Variants in KCNT1 observed in about 807,000 individuals in gnomAD.
The protein encoded by KCNT1 is potassium sodium-activated channel subfamily T member 1.
A neutral mutation model predicts 147.8 loss-of-function variants in KCNT1; 78 were observed. The observed-to-expected ratio is 0.53, with a 90% confidence interval of 0.44 to 0.64. KCNT1 has a LOEUF of 0.64. KCNT1 is among the 30% of genes least tolerant of loss of function. The pLI is 0.00. For synonymous variants in KCNT1, 867 were observed against 748.8 expected (o/e 1.16, Z -2.58); for missense variants, 1,419 against 1,750.3 (o/e 0.81, Z 3.38).
Position 135,792,504 on chromosome 9 carries a change from AGGGTGGGGCTGGG to A in KCNT1, c.*345_*357del. The stretch of plus-strand genomic sequence containing the variant: ...CAGGGCCGAGCCCAGGCTGTGCTGG[AGGGTGGGGCTGGG>A]GTGCATGGGGAGGGGAGCAGAACCC... On this transcript the variant is annotated 3_prime_UTR_variant, in exon 31 of 31. Transcript: ENST00000371757. The A allele has an allele frequency of 4.7e-6, 1 of 214,174 alleles. No individual in the cohort carries two copies. The allele number at this position is 214,174 out of a possible 1,614,324, so 13.3% of individuals were successfully genotyped here. A position where few individuals can be genotyped will look rare whatever the true frequency, so the allele number is the denominator to read the frequency against.
rs1835860794 is a variant in KCNT1 at position 135,719,955 on chromosome 9, G to A, written c.254+5235G>A. ...AGAACGGAACTTGACTTGGTTCTCT[G>A]GAGTTGAGCAACACCAAATATTTTT... is the stretch of plus-strand genomic sequence containing the variant. On this transcript the variant is annotated intron_variant, in intron 2 of 30. Transcript: ENST00000371757. Among the ~76,000 whole-genome samples the A allele has an allele frequency of 3.3e-5, 5 of 152,178 alleles. 1 individual carries two copies. The South Asian group carries it at 1.0e-3, about 32-fold the overall frequency.
chr9:135,775,436 G>A (rs1011603454), intron 20 of KCNT1, 21 bp downstream of exon 20: 26 of 1,582,872 alleles, frequency 1.6e-5, no homozygotes, highest in African/African-American at 4.0e-5. Context: ...CGGCTCTGCC[G>A]CGCTCTGCAC....
chr9:135,756,636 G>T (rs1831499382), intron 6 of KCNT1, among the ~76,000 whole-genome samples: 1 of 152,110 alleles, frequency 6.6e-6, no homozygotes, highest in Admixed American at 6.5e-5. Context: ...CCCACCCTGG[G>T]CCTAGAGTGG....
intron 21 of KCNT1, among the ~76,000 whole-genome samples, chr9:135,778,103 C>G (rs1564381475): frequency 1.3e-5 from 2 of 152,158 alleles, no homozygotes; most frequent in Non-Finnish European, 2.9e-5. Context: ...ACTCTGAGCC[C>G]CAGGATTGGG....
chr9:135,766,406 AGGTGGACCATCTAG>A lies in KCNT1; in HGVS notation c.1337+659_1337+672del, dbSNP rs1169893645. 3.5e-5 allele frequency among the ~76,000 whole-genome samples: 5 copies of A among 142,772 alleles called. No individual in the cohort carries two copies. In the East Asian group the frequency reaches 1.1e-3, roughly 31 times the overall value. The allele number at this position is 142,772 out of a possible 152,430, so 93.7% of individuals were successfully genotyped here. A position where few individuals can be genotyped will look rare whatever the true frequency, so the allele number is the denominator to read the frequency against. On this transcript the variant is annotated intron_variant, in intron 13 of 30. Transcript: ENST00000371757. The stretch of plus-strand genomic sequence containing the variant: ...TGGATCATCTGGGGTGGACCATTCA[AGGTGGACCATCTAG>A]GGTGGACCATCTGGGGTTGGTCCTC...
chr9:135,766,886 C>T (rs986296152), intron 13 of KCNT1: 1 of 152,118 alleles, frequency 6.6e-6, no homozygotes, highest in African/African-American at 2.4e-5. Context: ...TCTAGGGAGG[C>T]TCAAAATAGA....
chr9:135,727,226 T>C, intron 2 of KCNT1, among the ~76,000 whole-genome samples: 1 of 61,846 alleles, frequency 1.6e-5, no homozygotes, highest in Non-Finnish European at 3.1e-5. Flanking sequence ...TCTCTCTCTC[T>C]TTCCCATTCT....
At chr9:135,710,099 A>G (rs1835427564) in intron 1 of KCNT1, among the ~76,000 whole-genome samples, 2 of 152,276 alleles carry the variant, frequency 1.3e-5, no homozygotes, top group South Asian at 2.1e-4. Flanking sequence ...TCCTTTTGCC[A>G]GTGATGTCTT....
At chr9:135,773,101 T>C in intron 19 of KCNT1, 152 bp downstream of exon 19, 1 of 551,876 alleles carries the variant, frequency 1.8e-6, no homozygotes, top group Non-Finnish European at 3.0e-6. Flanking sequence ...AAATGAAATC[T>C]TCAGGGGGCC....
At chr9:135,751,439 G>A (rs1487224091) in intron 4 of KCNT1, among the ~76,000 whole-genome samples, 3 of 152,058 alleles carry the variant, frequency 2.0e-5, no homozygotes, top group Non-Finnish European at 2.9e-5. Flanking sequence ...TTCTGGGGGT[G>A]TCTTCTACCC....
intron 2 of KCNT1, among the ~76,000 whole-genome samples, chr9:135,729,527 C>G (rs1009055357): frequency 6.6e-6 from 1 of 152,208 alleles, no homozygotes; most frequent in Non-Finnish European, 1.5e-5. Context: ...CTCAGCTGTG[C>G]GCAGACTTCT....
chr9:135,758,125 A>G (rs13292859), intron 9 of KCNT1, among the ~76,000 whole-genome samples: 16 of 141,166 alleles, frequency 1.1e-4, no homozygotes, highest in African/African-American at 4.3e-4. Flanking sequence ...CAGCCGAGAC[A>G]CAGGTGTGGC....
At chr9:135,769,429 A>AG (rs1276579444) in intron 15 of KCNT1, among the ~76,000 whole-genome samples, 1 of 152,122 alleles carries the variant, frequency 6.6e-6, no homozygotes, top group Non-Finnish European at 1.5e-5. Flanking sequence ...GAGGTGCTGG[A>AG]GGGGACGGCA....
Position 135,772,818 on chromosome 9 carries a change from C to A in KCNT1, c.2112C>A (p.Gly704=). ...CACTGCCCACGGAGAACGGCTCGGG[C>A]AGCCGGCGGCCCAGCATCGCGCCCG... ...KLALPTENGS[G]SRRPSIAPVL... The change falls in exon 19 of 31, where the codon GGC becomes GGA. Residue 704 remains glycine (G), a synonymous_variant. Coordinates refer to ENST00000371757, the MANE Select transcript of KCNT1 (RefSeq NM_020822.3). 6.6e-7 allele frequency: 1 copy of A among 1,517,052 alleles called. No homozygotes were observed. Among genetic ancestry groups the A allele is most frequent in the Non-Finnish European group, 8.8e-7 (1 of 1,130,650 alleles). 94.0% of individuals were successfully genotyped at this position (1,517,052 alleles called of 1,614,324 possible). A position where few individuals can be genotyped will look rare whatever the true frequency, so the allele number is the denominator to read the frequency against.
chr9:135,728,799 G>A (rs1356795277), intron 2 of KCNT1, among the ~76,000 whole-genome samples: 2 of 152,202 alleles, frequency 1.3e-5, no homozygotes, highest in African/African-American at 4.8e-5. Context: ...TCTGGTTATG[G>A]TGATTCACAA....
chr9:135,756,919 A>G lies in KCNT1; in HGVS notation c.587A>G (p.Tyr196Cys), dbSNP rs1376281716. 1.2e-6 allele frequency: 2 copies of G among 1,612,192 alleles called. No homozygotes were observed. The highest frequency in any genetic ancestry group is 1.7e-5 in the Admixed American group (1 of 59,944). ...ISFLETMLLI[Y>C]LSYKGNIWEQ... ...TTCCTGGAGACGATGCTTCTCATCT[A>G]CCTCAGCTACAAAGTGAGTGCCTGC... is the stretch of plus-strand genomic sequence containing the variant. Residue 196 changes from tyrosine (Y) to cysteine (C), a missense_variant, in exon 7 of 31, where the codon TAC (tyrosine) becomes TGC (cysteine). By Grantham distance (194) the Tyr-to-Cys change is radical. This residue lies in a region of KCNT1 where 401 missense variants were observed against 610.6 expected (regional missense o/e 0.66). Transcript: ENST00000371757.
chr9:135,731,051 C>T (rs897167809), intron 2 of KCNT1, among the ~76,000 whole-genome samples: 14 of 149,280 alleles, frequency 9.4e-5, no homozygotes, highest in Non-Finnish European at 1.5e-4. Flanking sequence ...CATTTGTAAC[C>T]ACAGCAGCAG....
chr9:135,786,168 C>T, intron 28 of KCNT1, 29 bp from the exon 29 acceptor site: 1 of 1,554,244 alleles, frequency 6.4e-7, no homozygotes, highest in South Asian at 1.2e-5. Context: ...CTCACCCCTC[C>T]CCGCCCTGCC....
Position 135,759,547 on chromosome 9 carries a change from G to A in KCNT1, c.855-132G>A. On this transcript the variant is annotated intron_variant, in intron 10 of 30. Coordinates refer to ENST00000371757, the MANE Select transcript of KCNT1 (RefSeq NM_020822.3). ...CTGATGCCACCCAGCTGTCAGGAGG[G>A]CGGGGCTCGCCTGGTGATGCACAGC... The A allele has an allele frequency of 5.3e-6, 5 of 934,596 alleles. No individual in the cohort carries two copies. In the South Asian group the frequency reaches 1.1e-4, roughly 21 times the overall value. The allele number at this position is 934,596 out of a possible 1,614,324, so 57.9% of individuals were successfully genotyped here.
Sources: gnomAD v4.1 joint callset for allele counts (sites outside exome capture counted in the v4.1 genomes callset) on GRCh38, gnomAD v4.1.1 for gene constraint, gnomAD v4.1.1 regional missense constraint, MANE v1.5 for transcripts, NCBI Gene and HGNC (gene_info 2026-07-23, HGNC 2026-07-21) for gene names.